DHRSX: variants seen among roughly 807,000 people sequenced by gnomAD.
The protein encoded by DHRSX is dehydrogenase/reductase X-linked.
In DHRSX, 31 loss-of-function variants were observed where a neutral mutation model predicts 34.0. The ratio of observed to expected loss-of-function variants is 0.91; its 90% CI spans 0.69 to 1.23. The LOEUF is 1.23. Among genes scored for constraint, DHRSX ranks in the 50% most tolerant of loss-of-function variants. The pLI is 0.00. For synonymous variants in DHRSX, 201 were observed against 183.8 expected, an observed-to-expected ratio of 1.09 and a Z score of -0.76; for missense variants, 414 against 428.1, an observed-to-expected ratio of 0.97 and a Z score of 0.29.
chrX:2,298,951 C>T (rs2041977888), intron 3 of DHRSX, among the ~76,000 whole-genome samples: 2 of 141,354 alleles, frequency 1.4e-5, no homozygotes, highest in African/African-American at 2.7e-5. Context: ...TGCCATTGCA[C>T]TCCAGCCTGG....
intron 3 of DHRSX, among the ~76,000 whole-genome samples, chrX:2,402,446 C>A (rs923526468): frequency 2.0e-5 from 3 of 152,172 alleles, no homozygotes; most frequent in African/African-American, 7.2e-5. Context: ...TGTGGTCGTC[C>A]ATAAGATGTT....
chrX:2,248,156 G>C lies in DHRSX; in HGVS notation c.597-4926C>G, dbSNP rs148623092. On this transcript the variant is annotated intron_variant, in intron 5 of 6. Transcript: ENST00000334651. ...CTACTGAAAATACAAACATTAGGCC[G>C]GGCACGGTGGCTCACGTCTGTAATC... Among the ~76,000 whole-genome samples the C allele has an allele frequency of 2.6e-5, 4 of 151,990 alleles. No homozygotes were observed. In the East Asian group the frequency reaches 7.8e-4, roughly 29 times the overall value.
intron 1 of DHRSX, among the ~76,000 whole-genome samples, chrX:2,477,911 C>A (rs183050105): frequency 6.6e-6 from 1 of 152,174 alleles, no homozygotes; most frequent in Admixed American, 6.5e-5. Flanking sequence ...GCCCCTTCCA[C>A]CCCGGGCCCG....
intron 3 of DHRSX, among the ~76,000 whole-genome samples, chrX:2,319,544 A>AG (rs2042282539): frequency 6.7e-6 from 1 of 148,182 alleles, no homozygotes; most frequent in Admixed American, 6.8e-5. Flanking sequence ...CTCCATCTCA[A>AG]AAAAAAAAAA....
intron 6 of DHRSX, among the ~76,000 whole-genome samples, chrX:2,232,223 C>T (rs1178279361): frequency 1.3e-5 from 2 of 151,888 alleles, no homozygotes; most frequent in Admixed American, 1.3e-4. Flanking sequence ...AGACAACCTT[C>T]ACACTACACC....
chrX:2,314,382 T>G lies in DHRSX; in HGVS notation c.287-22779A>C, dbSNP rs1471983251. 9.2e-4 allele frequency among the ~76,000 whole-genome samples: 18 copies of G among 19,472 alleles called. 1 individual carries two copies. The highest frequency in any genetic ancestry group is 1.9e-3 in the African/African-American group (7 of 3,684). 12.8% of individuals were successfully genotyped at this position (19,472 alleles called of 152,430 possible). ...GAAAGAAGGGAGAGAGGGAAAGGAA[T>G]GGAGGGAAGGAAGGAAGGGAAAGAA... is the stretch of plus-strand genomic sequence containing the variant. On this transcript the variant is annotated intron_variant, in intron 3 of 6. Transcript: ENST00000334651.
At chrX:2,343,686 T>C (rs1288126463) in intron 3 of DHRSX, among the ~76,000 whole-genome samples, 1 of 152,198 alleles carries the variant, frequency 6.6e-6, no homozygotes, top group Non-Finnish European at 1.5e-5. Context: ...TGGCGACCAC[T>C]GATGGCCCTC....
intron 2 of DHRSX, among the ~76,000 whole-genome samples, chrX:2,416,571 G>A (rs1298961947): frequency 6.6e-6 from 1 of 152,056 alleles, no homozygotes; most frequent in African/African-American, 2.4e-5. Context: ...CTCACTACTA[G>A]GGCAGAGCTC....
intron 3 of DHRSX, among the ~76,000 whole-genome samples, chrX:2,377,593 C>T (rs1196768486): frequency 1.3e-5 from 2 of 152,110 alleles, no homozygotes; most frequent in African/African-American, 4.8e-5. Flanking sequence ...CTCTGTTCTA[C>T]AGGACAAGAA....
chrX:2,340,174 C>T (rs1157037562), intron 3 of DHRSX, among the ~76,000 whole-genome samples: 3 of 151,262 alleles, frequency 2.0e-5, no homozygotes, highest in Non-Finnish European at 4.4e-5. Context: ...GAACATCACA[C>T]ACTGGGGCCT....
chrX:2,430,527 T>C (rs1348751547), intron 1 of DHRSX, among the ~76,000 whole-genome samples: 5 of 152,118 alleles, frequency 3.3e-5, no homozygotes, highest in Non-Finnish European at 7.4e-5. Context: ...TGACTCGGCA[T>C]GACCAGAGAA....
At chrX:2,289,578 GA>G (rs2124488805) in intron 4 of DHRSX, among the ~76,000 whole-genome samples, 1 of 152,298 alleles carries the variant, frequency 6.6e-6, no homozygotes, top group Admixed American at 6.5e-5. Context: ...ACTGCTCTGT[GA>G]TAAAGTGCTC....
intron 1 of DHRSX, among the ~76,000 whole-genome samples, chrX:2,455,010 G>A (rs768361189): frequency 6.6e-6 from 1 of 151,760 alleles, no homozygotes; most frequent in Admixed American, 6.6e-5. Context: ...TACTCAGAAG[G>A]CTAAGGCAGG....
intron 1 of DHRSX, among the ~76,000 whole-genome samples, chrX:2,484,549 C>G (rs1428679332): frequency 6.6e-6 from 1 of 152,180 alleles, no homozygotes; most frequent in Non-Finnish European, 1.5e-5. Context: ...ACGAGCCAAA[C>G]CCTGCTGTTT....
intron 3 of DHRSX, among the ~76,000 whole-genome samples, chrX:2,407,324 T>G (rs961603221): frequency 2.0e-5 from 3 of 152,120 alleles, no homozygotes; most frequent in African/African-American, 7.2e-5. Flanking sequence ...GAGGAGGGTG[T>G]TTTAAAGAGT....
At chrX:2,448,928 CCT>C (rs1257064087) in intron 1 of DHRSX, among the ~76,000 whole-genome samples, 2 of 152,156 alleles carry the variant, frequency 1.3e-5, no homozygotes, top group Non-Finnish European at 2.9e-5. Context: ...GTGGCTCACG[CCT>C]GTCATCCCAG....
At chrX:2,358,685 A>G (rs2042888530) in intron 3 of DHRSX, among the ~76,000 whole-genome samples, 1 of 152,198 alleles carries the variant, frequency 6.6e-6, no homozygotes, top group South Asian at 2.1e-4. Flanking sequence ...ATAGACGAGG[A>G]AAATGAGGCT....
intron 3 of DHRSX, among the ~76,000 whole-genome samples, chrX:2,342,633 G>A (rs1454141710): frequency 6.6e-6 from 1 of 152,138 alleles, no homozygotes; most frequent in Non-Finnish European, 1.5e-5. Flanking sequence ...AACACTCACG[G>A]ATGCCTGGGC....
chrX:2,358,538 A>C (rs920040115), intron 3 of DHRSX, among the ~76,000 whole-genome samples: 1 of 152,112 alleles, frequency 6.6e-6, no homozygotes, highest in Non-Finnish European at 1.5e-5. Flanking sequence ...TCTACTAAGA[A>C]TACAAAAAAA....
Sources: gnomAD v4.1 joint callset for allele counts (sites outside exome capture counted in the v4.1 genomes callset) on GRCh38, gnomAD v4.1.1 for gene constraint, MANE v1.5 for transcripts, NCBI Gene and HGNC (gene_info 2026-07-23, HGNC 2026-07-21) for gene names.